A1CF: variants seen among roughly 807,000 people sequenced by gnomAD.
A1CF encodes APOBEC-1 stimulating protein.
Under a neutral mutation model 68.9 loss-of-function variants are expected in A1CF, and 48 were observed. The observed-to-expected ratio is 0.70, with a 90% CI of 0.55 to 0.89. The LOEUF (loss-of-function observed/expected upper bound fraction) is 0.89, where lower values mean the gene tolerates loss of function less well. Among genes scored for constraint, A1CF ranks in the 40% least tolerant of loss-of-function variants. The pLI, the probability that A1CF is intolerant of heterozygous loss-of-function variation, is 0.00. For synonymous variants in A1CF, 272 were observed against 260.4 expected (o/e 1.04, Z -0.43); for missense variants, 653 against 718.9 (o/e 0.91, Z 1.05).
intron 8 of A1CF, 50 bp downstream of exon 8, chr10:50,820,502 A>C (rs773430797): frequency 3.1e-5 from 47 of 1,537,578 alleles, no homozygotes; most frequent in Non-Finnish European, 3.9e-5. Context: ...TGTAATATCC[A>C]CACCAAACTT....
intron 7 of A1CF, among the ~76,000 whole-genome samples, chr10:50,827,803 GAGATAGAGGCACA>G: frequency 6.6e-6 from 1 of 152,258 alleles, no homozygotes; most frequent in East Asian, 1.9e-4. Flanking sequence ...AGAACTGAAT[GAGATAGAGGCACA>G]AAAATCCTTC....
chr10:50,850,792 A>G (rs1215232895), intron 3 of A1CF: 2 of 1,612,900 alleles, frequency 1.2e-6, no homozygotes. Flanking sequence ...TTCCATCTAT[A>G]GGAACCTCTA....
intron 4 of A1CF, among the ~76,000 whole-genome samples, chr10:50,843,489 GA>G (rs35241505): frequency 6.6e-6 from 1 of 152,112 alleles, no homozygotes; most frequent in Non-Finnish European, 1.5e-5. Flanking sequence ...TCCTTTAACT[GA>G]AAAGCCATGT....
Position 50,816,024 on chromosome 10 carries a change from G to A in A1CF, c.1123C>T (p.Arg375Ter), listed in dbSNP as rs371633684. ...KGHLSNRAII[R>*]APSVRGAAGV... ...GTGTTACCTCTAACAGAAGGGGCTCGGATAATGGCTCTGTTGCTGAGATGT... is the reference window on the plus strand; with the variant it reads ...GTGTTACCTCTAACAGAAGGGGCTCAGATAATGGCTCTGTTGCTGAGATGT... The change falls in exon 9 of 13, where the codon CGA (arginine) becomes TGA (stop). Residue 375 changes from arginine (R) to a stop codon, truncating the protein, a stop_gained. Coordinates refer to ENST00000373997, the MANE Select transcript of A1CF (RefSeq NM_014576.4). LOFTEE classifies it high-confidence loss of function. 14 of 1,613,482 alleles carry A rather than the reference G, an allele frequency of 8.7e-6. No homozygotes were observed. Among genetic ancestry groups the A allele is most frequent in the Non-Finnish European group, 9.3e-6 (11 of 1,179,702 alleles).
intron 1 of A1CF, among the ~76,000 whole-genome samples, chr10:50,864,704 C>T (rs530545937): frequency 3.8e-4 from 58 of 152,172 alleles, no homozygotes; most frequent in African/African-American, 1.3e-3. Context: ...CCGCAACCTC[C>T]GCATCCCAGG....
In A1CF at chr10:50,800,458, C is replaced by A. The variant is rs896737572; in HGVS notation, c.*6271G>T. On this transcript the variant is annotated 3_prime_UTR_variant, in exon 13 of 13. Coordinates refer to ENST00000373997, the MANE Select transcript of A1CF (RefSeq NM_014576.4). The stretch of plus-strand genomic sequence containing the variant: ...ACAGAGTTGATTTATTTTCAGAATT[C>A]TAAGTGGCAAAACCTATCAGGTGTT... 6 of 152,090 alleles carry A rather than the reference C, an allele frequency of 3.9e-5. No individual in the cohort carries two copies. Among genetic ancestry groups the A allele is most frequent in the African/African-American group, 1.2e-4 (5 of 41,422 alleles). 9.4% of individuals were successfully genotyped at this position (152,090 alleles called of 1,614,324 possible).
At chr10:50,844,176 T>A in intron 3 of A1CF, 54 bp from the exon 4 acceptor site, 1 of 1,580,994 alleles carries the variant, frequency 6.3e-7, no homozygotes, top group Non-Finnish European at 8.6e-7. Flanking sequence ...AGACTTTAAT[T>A]CAATTTCCCT....
intron 3 of A1CF, among the ~76,000 whole-genome samples, chr10:50,848,589 A>T (rs555143589): frequency 3.3e-5 from 5 of 152,294 alleles, no homozygotes; most frequent in Non-Finnish European, 4.4e-5. Flanking sequence ...TTTCCTGAGT[A>T]GTAATTTCAG....
chr10:50,847,203 C>A (rs899274420), intron 3 of A1CF, among the ~76,000 whole-genome samples: 10 of 152,166 alleles, frequency 6.6e-5, no homozygotes, highest in African/African-American at 2.4e-4. Context: ...TTTTGTTTTT[C>A]ATGAGAGAAT....
At position 50,811,132 on chromosome 10, in the gene A1CF, C is replaced by A. The variant is rs750709570; in HGVS notation, c.1368G>T (p.Val456=). 2 of 1,613,272 alleles carry A rather than the reference C, an allele frequency of 1.2e-6. No homozygotes were observed. The highest frequency in any genetic ancestry group is 1.3e-5 in the African/African-American group (1 of 74,912). Residue 456 remains valine, a synonymous_variant, in exon 11 of 13, where the codon GTG becomes GTT. Transcript: ENST00000373997. ...ICQKNNWGQP[V]YQLHSAIGQD... is the part of the protein sequence containing the mutation. ...GTCCAATAGCAGAGTGCAGCTGGTA[C>A]ACTGGCTGTCCCCAGTTATTTTTCT... is the stretch of plus-strand genomic sequence containing the variant.
intron 10 of A1CF, 115 bp from the exon 11 acceptor site, chr10:50,811,291 A>C: frequency 1.0e-6 from 1 of 963,654 alleles, no homozygotes; most frequent in Non-Finnish European, 1.5e-6. Context: ...TGAAGACATA[A>C]AATGCCACAT....
At chr10:50,850,426 G>A (rs1840187424) in intron 3 of A1CF, among the ~76,000 whole-genome samples, 2 of 152,154 alleles carry the variant, frequency 1.3e-5, no homozygotes, top group South Asian at 4.1e-4. Context: ...TTTAAATGAT[G>A]TGTTTTGCAA....
intron 2 of A1CF, among the ~76,000 whole-genome samples, chr10:50,861,194 C>A (rs1840729157): frequency 6.6e-6 from 1 of 151,870 alleles, no homozygotes; most frequent in Non-Finnish European, 1.5e-5. Context: ...CTGAAAAATG[C>A]AGCTTTAAGG....
intron 1 of A1CF, among the ~76,000 whole-genome samples, chr10:50,865,289 G>A (rs546914055): frequency 4.6e-4 from 68 of 147,440 alleles, no homozygotes; most frequent in African/African-American, 1.6e-3. Context: ...TGCTGCTGCT[G>A]CTGCTATTAC....
chr10:50,841,964 A>G lies in A1CF; in HGVS notation c.263T>C (p.Met88Thr). ...KIGKIYEMRMMMDFNGNNRGY... is the reference protein window; with the variant it reads ...KIGKIYEMRMTMDFNGNNRGY... ...TCTATTGTTGCCATTAAAATCCATC[A>G]TCATTCTCATTTCATAAATTTTACC... The change falls in exon 5 of 13, where the codon ATG becomes ACG. Residue 88 changes from methionine (M) to threonine (T), a missense_variant. Physicochemically the swap from Met to Thr is moderately conservative, Grantham distance 81 (BLOSUM62 -1). Coordinates refer to ENST00000373997, the MANE Select transcript of A1CF (RefSeq NM_014576.4). 1 of 1,609,352 alleles carries G rather than the reference A, an allele frequency of 6.2e-7. No homozygotes were observed. The highest frequency in any genetic ancestry group is 8.5e-7 in the Non-Finnish European group (1 of 1,176,996).
chr10:50,808,127 C>A (rs1837922258), intron 12 of A1CF, among the ~76,000 whole-genome samples: 1 of 151,286 alleles, frequency 6.6e-6, no homozygotes, highest in Non-Finnish European at 1.5e-5. Flanking sequence ...GTGTTTGTGG[C>A]ACAGATTTTA....
At chr10:50,826,582 G>A (rs1460797024) in intron 7 of A1CF, among the ~76,000 whole-genome samples, 2 of 152,134 alleles carry the variant, frequency 1.3e-5, no homozygotes, top group Non-Finnish European at 2.9e-5. Flanking sequence ...AGCAAATTCT[G>A]AGAGATTTTG....
chr10:50,835,588 G>C (rs1200412195), intron 6 of A1CF, among the ~76,000 whole-genome samples: 2 of 152,118 alleles, frequency 1.3e-5, no homozygotes, highest in African/African-American at 4.8e-5. Flanking sequence ...GGCTTTCTAA[G>C]GAGAGCTTTT....
chr10:50,836,022 A>G, intron 6 of A1CF, 52 bp downstream of exon 6: 1 of 1,468,896 alleles, frequency 6.8e-7, no homozygotes, highest in African/African-American at 1.4e-5. Context: ...TTCTTTGCGG[A>G]GGCAGGCAGG....
Sources: allele counts gnomAD v4.1 joint callset (sites outside exome capture counted in the v4.1 genomes callset), GRCh38; gene constraint gnomAD v4.1.1; transcripts MANE v1.5; gene names NCBI Gene and HGNC (gene_info 2026-07-23, HGNC 2026-07-21).